Variants in CALD1 observed in about 807,000 individuals in gnomAD.
CALD1 encodes caldesmon.
A neutral mutation model predicts 99.9 loss-of-function variants in CALD1; 33 were observed. That is an observed-to-expected ratio of 0.33 (90% confidence interval 0.25 to 0.44). The LOEUF (loss-of-function observed/expected upper bound fraction) is 0.44. Ranked by LOEUF, CALD1 falls within the 20% of genes least tolerant of loss-of-function variation. The pLI is 1.00. For missense variants in CALD1, 861 were observed against 962.1 expected (o/e 0.89, Z 1.39); for synonymous variants, 310 against 325.0 (o/e 0.95, Z 0.50).
intron 1 of CALD1, among the ~76,000 whole-genome samples, chr7:134,756,285 A>AAAAT (rs1562989668): frequency 6.7e-6 from 1 of 150,260 alleles, no homozygotes; most frequent in Non-Finnish European, 1.5e-5. Flanking sequence ...AAAAAAAAAA[A>AAAAT]AAAAAACTAA....
At position 134,947,627 on chromosome 7, in the gene CALD1, T is replaced by A; in HGVS notation, c.1652T>A (p.Phe551Tyr). Residue 551 changes from phenylalanine (F) to tyrosine (Y), a missense_variant, in exon 8 of 15, where the codon TTC becomes TAC. Transcript: ENST00000361675. ...RRRGETESEE[F>Y]EKLKQKQQEA... ...CGCGGGGAGACCGAGAGCGAAGAGTTCGAGAAGCTCAAACAGAAGCAGCAG... is the reference window on the plus strand; with the variant it reads ...CGCGGGGAGACCGAGAGCGAAGAGTACGAGAAGCTCAAACAGAAGCAGCAG... 6.4e-7 allele frequency: 1 copy of A among 1,568,156 alleles called. No homozygotes were observed. Among genetic ancestry groups the A allele is most frequent in the Non-Finnish European group, 8.6e-7 (1 of 1,156,148 alleles).
At chr7:134,749,667 C>A (rs989784719) in intron 1 of CALD1, among the ~76,000 whole-genome samples, 12 of 152,068 alleles carry the variant, frequency 7.9e-5, no homozygotes, top group African/African-American at 2.9e-4. Flanking sequence ...TCAGGGGATG[C>A]CTGTTGTGTA....
At chr7:134,852,526 C>T (rs1800125786) in intron 2 of CALD1, among the ~76,000 whole-genome samples, 1 of 152,104 alleles carries the variant, frequency 6.6e-6, no homozygotes, top group Non-Finnish European at 1.5e-5. Flanking sequence ...TCCCAATCAC[C>T]AGCCTTTCCC....
intron 3 of CALD1, among the ~76,000 whole-genome samples, chr7:134,908,103 T>C (rs1016926833): frequency 2.6e-5 from 4 of 152,086 alleles, no homozygotes; most frequent in African/African-American, 9.7e-5. Flanking sequence ...TGAAAAAAGA[T>C]AGGAATTTGG....
intron 3 of CALD1, among the ~76,000 whole-genome samples, chr7:134,868,698 C>T (rs1435490938): frequency 6.6e-6 from 1 of 152,102 alleles, no homozygotes; most frequent in East Asian, 1.9e-4. Context: ...ATGGAGAATG[C>T]AAAAGCAAAA....
chr7:134,844,219 T>C (rs1328751539), intron 2 of CALD1: 1 of 152,190 alleles, frequency 6.6e-6, no homozygotes, highest in Admixed American at 6.5e-5. Context: ...TTTTTAAATG[T>C]TTCCTGCAAT....
At chr7:134,800,321 T>C (rs932009724) in intron 1 of CALD1, among the ~76,000 whole-genome samples, 4 of 152,132 alleles carry the variant, frequency 2.6e-5, no homozygotes, top group African/African-American at 4.8e-5. Context: ...ATCTCTGATA[T>C]TCTTACTAAT....
chr7:134,919,888 A>G (rs1804489123), intron 3 of CALD1, among the ~76,000 whole-genome samples: 1 of 152,166 alleles, frequency 6.6e-6, no homozygotes, highest in African/African-American at 2.4e-5. Context: ...TTACTAATAA[A>G]TGTCTAAACA....
At chr7:134,898,908 G>A (rs1802774002) in intron 3 of CALD1, among the ~76,000 whole-genome samples, 1 of 152,174 alleles carries the variant, frequency 6.6e-6, no homozygotes, top group East Asian at 1.9e-4. Flanking sequence ...GGGTTTTTAA[G>A]TCATGAACCT....
chr7:134,907,556 T>C (rs1044841176), intron 3 of CALD1, among the ~76,000 whole-genome samples: 1 of 152,204 alleles, frequency 6.6e-6, no homozygotes, highest in Non-Finnish European at 1.5e-5. Context: ...TTCAACTGCC[T>C]GGAAGCATGC....
Position 134,941,248 on chromosome 7 carries a change from G to A in CALD1, c.1532+11G>A. ...TGAGAATACTTTCAGGTAAGAAGTA[G>A]CAACTAGTTAATAGAAACTGTGTTC... On this transcript the variant is annotated intron_variant, in intron 7 of 14. Coordinates refer to ENST00000361675, the MANE Select transcript of CALD1 (RefSeq NM_033138.4). 1.3e-6 allele frequency: 2 copies of A among 1,569,492 alleles called. No homozygotes were observed. Among genetic ancestry groups the A allele is most frequent in the Non-Finnish European group, 1.7e-6 (2 of 1,161,644 alleles).
chr7:134,889,339 A>C (rs962894569), intron 3 of CALD1, among the ~76,000 whole-genome samples: 9 of 152,276 alleles, frequency 5.9e-5, no homozygotes, highest in Admixed American at 4.6e-4. Flanking sequence ...AGCCATCACC[A>C]GTCTGTCTGC....
At chr7:134,919,795 T>G (rs530167664) in intron 3 of CALD1, among the ~76,000 whole-genome samples, 1 of 152,156 alleles carries the variant, frequency 6.6e-6, no homozygotes, top group African/African-American at 2.4e-5. Flanking sequence ...CACTTTTCCA[T>G]GAAAATTTTT....
chr7:134,730,689 T>C, the CALD1 span, among the ~76,000 whole-genome samples: 23 of 152,330 alleles, frequency 1.5e-4, no homozygotes, highest in East Asian at 4.2e-3. Flanking sequence ...AAATAAAACA[T>C]TGACTGGTTA....
chr7:134,847,553 G>C (rs189950139), intron 2 of CALD1, among the ~76,000 whole-genome samples: 3 of 152,160 alleles, frequency 2.0e-5, no homozygotes, highest in Non-Finnish European at 4.4e-5. Flanking sequence ...AGGATTGAGG[G>C]GACACGAGGT....
chr7:134,948,437 A>G (rs1029737581), intron 8 of CALD1, among the ~76,000 whole-genome samples: 2 of 152,190 alleles, frequency 1.3e-5, no homozygotes, highest in Non-Finnish European at 2.9e-5. Context: ...GGCTCAGCAT[A>G]TGAAATAATG....
At chr7:134,778,816 T>C (rs948605506), upstream of CALD1, among the ~76,000 whole-genome samples, 1 of 152,146 alleles carries the variant, frequency 6.6e-6, no homozygotes, top group Non-Finnish European at 1.5e-5. Context: ...TTCTAGGAAT[T>C]TCTAGTACTA....
At chr7:134,822,851 T>C (rs1393508711) in intron 1 of CALD1, among the ~76,000 whole-genome samples, 1 of 152,226 alleles carries the variant, frequency 6.6e-6, no homozygotes, top group Non-Finnish European at 1.5e-5. Context: ...TAGTTGCCTC[T>C]ATCTCCCTGG....
chr7:134,888,836 G>C (rs1270198772), intron 3 of CALD1, among the ~76,000 whole-genome samples: 1 of 152,114 alleles, frequency 6.6e-6, no homozygotes, highest in Non-Finnish European at 1.5e-5. Flanking sequence ...TCCCTCTTTT[G>C]GCAATTAGGG....
Sources: allele counts gnomAD v4.1 joint callset (sites outside exome capture counted in the v4.1 genomes callset), GRCh38; gene constraint gnomAD v4.1.1; transcripts MANE v1.5; gene names NCBI Gene and HGNC (gene_info 2026-07-23, HGNC 2026-07-21).